MYO1E: variants seen among roughly 807,000 people sequenced by gnomAD.
MYO1E encodes the protein myosin IE.
In MYO1E, 68 loss-of-function variants were observed where a neutral mutation model predicts 151.1. The observed-to-expected ratio is 0.45, with a 90% CI of 0.37 to 0.55. The LOEUF (loss-of-function observed/expected upper bound fraction) is 0.55. Among genes scored for constraint, MYO1E ranks in the 20% least tolerant of loss-of-function variants. MYO1E has a pLI of 0.00. For missense variants in MYO1E, 1,363 were observed against 1,389.3 expected, an observed-to-expected ratio of 0.98 and a Z score of 0.30; for synonymous variants, 601 against 501.7, an observed-to-expected ratio of 1.20 and a Z score of -2.64.
intron 1 of MYO1E, among the ~76,000 whole-genome samples, chr15:59,281,534 C>T (rs1036952597): frequency 2.6e-5 from 4 of 152,206 alleles, no homozygotes; most frequent in African/African-American, 7.2e-5. Flanking sequence ...CCTCGGCCTC[C>T]GAGAGGGTTA....
intron 14 of MYO1E, chr15:59,207,549 C>CA (rs1336600414): frequency 1.2e-5 from 20 of 1,613,896 alleles, no homozygotes; most frequent in Non-Finnish European, 1.7e-5. Context: ...GTGCATTTCC[C>CA]AAAAACCGTA....
At position 59,311,775 on chromosome 15, in the gene MYO1E, G is replaced by T. The variant is rs1319743324; in HGVS notation, c.4-39326C>A. Among the ~76,000 whole-genome samples, 7 of 152,324 alleles carry T rather than the reference G, an allele frequency of 4.6e-5. No homozygotes were observed. In the South Asian group the frequency reaches 1.2e-3, roughly 27 times the overall value. ...AACCTTTAAGAAGTGACTAGGTCAT[G>T]AGGACTCTGCCCTCATAAATAAATG... On this transcript the variant is annotated intron_variant, in intron 1 of 27. Coordinates refer to ENST00000288235, the MANE Select transcript of MYO1E (RefSeq NM_004998.4).
In MYO1E at chr15:59,213,129, CTATT is replaced by C. The variant is rs200340382; in HGVS notation, c.1275+1095_1275+1098del. Reference sequence around the variant, plus strand: ...AGGAAACAATGGAAACTGCACTGAACTATTTATTTATTATTATTATTATTATTAT... The same window carrying C: ...AGGAAACAATGGAAACTGCACTGAACTATTTATTATTATTATTATTATTAT... On this transcript the variant is annotated intron_variant, in intron 12 of 27. Coordinates refer to ENST00000288235, the MANE Select transcript of MYO1E (RefSeq NM_004998.4). Among the ~76,000 whole-genome samples, 718 of 131,952 alleles carry C rather than the reference CTATT, an allele frequency of 5.4e-3. 5 individuals carry two copies. The highest frequency in any genetic ancestry group is 0.021 in the African/African-American group (696 of 33,338). The allele number at this position is 131,952 out of a possible 152,430, so 86.6% of individuals were successfully genotyped here.
intron 1 of MYO1E, among the ~76,000 whole-genome samples, chr15:59,313,525 A>G (rs1174179525): frequency 1.7e-5 from 2 of 115,188 alleles, no homozygotes; most frequent in Admixed American, 1.1e-4. Flanking sequence ...ACACTCCATC[A>G]TCTTTCAGTG....
intron 13 of MYO1E, among the ~76,000 whole-genome samples, chr15:59,209,658 C>G (rs1055866496): frequency 2.0e-5 from 3 of 151,404 alleles, no homozygotes; most frequent in East Asian, 1.9e-4. Flanking sequence ...CCTGGGCAAC[C>G]GAGCGAGACG....
At chr15:59,141,996 A>G (rs1324045193) in intron 26 of MYO1E, among the ~76,000 whole-genome samples, 1 of 151,428 alleles carries the variant, frequency 6.6e-6, no homozygotes, top group East Asian at 1.9e-4. Flanking sequence ...AGTCCCAGCT[A>G]TTCGGGAGGC....
In MYO1E at chr15:59,372,842, A is replaced by T. The variant is rs1004847540; in HGVS notation, c.-342T>A. ...CTGCCTCACTCCTCTTTCTTCGGCC[A>T]CTTAATCCGTACTCCTCTGGCTGAG... On this transcript the variant is annotated 5_prime_UTR_variant, in exon 1 of 28. Coordinates refer to ENST00000288235, the MANE Select transcript of MYO1E (RefSeq NM_004998.4). The T allele has an allele frequency of 1.2e-5, 5 of 427,034 alleles. No individual in the cohort carries two copies. Among genetic ancestry groups the T allele is most frequent in the Non-Finnish European group, 2.1e-5 (5 of 238,812 alleles). The allele number at this position is 427,034 out of a possible 1,614,324, so 26.5% of individuals were successfully genotyped here. A position where few individuals can be genotyped will look rare whatever the true frequency, so the allele number is the denominator to read the frequency against.
At chr15:59,245,951 C>T (rs1596382985) in intron 4 of MYO1E, among the ~76,000 whole-genome samples, 1 of 152,222 alleles carries the variant, frequency 6.6e-6, no homozygotes, top group South Asian at 2.1e-4. Context: ...CTCTTGACAT[C>T]CAAAGGTATC....
chr15:59,210,414 A>T (rs549702236), intron 13 of MYO1E, 100 bp downstream of exon 13: 6 of 844,712 alleles, frequency 7.1e-6, no homozygotes, highest in Non-Finnish European at 1.2e-5. Flanking sequence ...TGCAAATCAG[A>T]GTTGTCACTT....
chr15:59,302,072 A>T (rs900880385), intron 1 of MYO1E, among the ~76,000 whole-genome samples: 1 of 152,166 alleles, frequency 6.6e-6, no homozygotes, highest in East Asian at 1.9e-4. Context: ...TGTTGGAGGT[A>T]ATAAGAACAT....
At chr15:59,174,832 C>G (rs934311697) in intron 19 of MYO1E, among the ~76,000 whole-genome samples, 1 of 152,016 alleles carries the variant, frequency 6.6e-6, no homozygotes, top group Non-Finnish European at 1.5e-5. Flanking sequence ...TGGAGCTGGA[C>G]GTGAGGTGTG....
At chr15:59,217,294 C>T (rs2079924715) in intron 10 of MYO1E, among the ~76,000 whole-genome samples, 1 of 152,036 alleles carries the variant, frequency 6.6e-6, no homozygotes, top group South Asian at 2.1e-4. Context: ...TCAAGAAAGG[C>T]CCATGAACGT....
At chr15:59,334,041 T>C (rs572354453) in intron 1 of MYO1E, among the ~76,000 whole-genome samples, 35 of 152,268 alleles carry the variant, frequency 2.3e-4, no homozygotes, top group Non-Finnish European at 3.7e-4. Context: ...ACACCTGTAA[T>C]AGCAATGTTT....
chr15:59,169,778 T>C (rs958194596), intron 22 of MYO1E, among the ~76,000 whole-genome samples: 1 of 151,904 alleles, frequency 6.6e-6, no homozygotes, highest in African/African-American at 2.4e-5. Context: ...AGGAAGAAAT[T>C]TGAGTGTGAA....
intron 2 of MYO1E, among the ~76,000 whole-genome samples, chr15:59,268,899 T>C (rs2080273869): frequency 6.6e-6 from 1 of 151,758 alleles, no homozygotes; most frequent in Non-Finnish European, 1.5e-5. Context: ...CGCCTGGAGT[T>C]ATGAAGGACT....
intron 1 of MYO1E, among the ~76,000 whole-genome samples, chr15:59,302,899 A>T (rs1415409902): frequency 2.6e-5 from 4 of 152,228 alleles, no homozygotes; most frequent in African/African-American, 7.2e-5. Flanking sequence ...AGTCCTGCCC[A>T]GGGGAGAAGG....
chr15:59,209,615 A>G (rs150014998), intron 13 of MYO1E, among the ~76,000 whole-genome samples: 14,814 of 151,802 alleles, frequency 0.098, 988 homozygotes, highest in African/African-American at 0.19. Flanking sequence ...GGTGGAGGTT[A>G]CAGTGAGCCA....
intron 1 of MYO1E, among the ~76,000 whole-genome samples, chr15:59,307,889 C>T (rs1316879584): frequency 2.0e-5 from 3 of 150,060 alleles, no homozygotes; most frequent in African/African-American, 7.3e-5. Flanking sequence ...GGATTACAGG[C>T]GTGAGCCACC....
intron 19 of MYO1E, among the ~76,000 whole-genome samples, chr15:59,177,185 T>A (rs1464094837): frequency 2.0e-5 from 3 of 152,192 alleles, no homozygotes; most frequent in African/African-American, 7.2e-5. Context: ...TTTCACTTTA[T>A]ATTTGGAAAT....
Sources: gnomAD v4.1 joint callset for allele counts (sites outside exome capture counted in the v4.1 genomes callset) on GRCh38, gnomAD v4.1.1 for gene constraint, MANE v1.5 for transcripts, NCBI Gene and HGNC (gene_info 2026-07-23, HGNC 2026-07-21) for gene names.